The following THRB variants were observed in gnomAD, a reference collection of about 807,000 sequenced individuals.
The protein encoded by THRB is thyroid hormone receptor beta.
THRB carries 12 observed loss-of-function variants against 47.8 expected under a neutral mutation model. The observed-to-expected ratio is 0.25, with a 90% CI of 0.16 to 0.41. The LOEUF is 0.41. Among genes scored for constraint, THRB ranks in the 10% least tolerant of loss-of-function variants. The probability of loss-of-function intolerance (pLI) is 1.00; values close to 1 mark genes in which losing one functional copy is unlikely to be tolerated. For synonymous variants in THRB, 218 were observed against 212.2 expected, an observed-to-expected ratio of 1.03 and a Z score of -0.24; for missense variants, 348 against 589.2, an observed-to-expected ratio of 0.59 and a Z score of 4.24.
At chr3:24,389,829 C>G (rs1284393743) in intron 1 of THRB, among the ~76,000 whole-genome samples, 1 of 152,102 alleles carries the variant, frequency 6.6e-6, no homozygotes, top group Non-Finnish European at 1.5e-5. Flanking sequence ...AAGCAATACT[C>G]AACAAGCAGG....
intron 3 of THRB, among the ~76,000 whole-genome samples, chr3:24,280,773 A>G (rs2150818564): frequency 6.6e-6 from 1 of 152,266 alleles, no homozygotes; most frequent in East Asian, 1.9e-4. Flanking sequence ...CCAAGGCTCG[A>G]GAACTACGTG....
At chr3:24,161,035 A>G (rs1021169051) in intron 5 of THRB, among the ~76,000 whole-genome samples, 1 of 152,264 alleles carries the variant, frequency 6.6e-6, no homozygotes, top group Non-Finnish European at 1.5e-5. Flanking sequence ...CTCAGGAAAG[A>G]AAAGGAAAGA....
intron 1 of THRB, among the ~76,000 whole-genome samples, chr3:24,489,737 G>C (rs891969012): frequency 6.6e-6 from 1 of 152,152 alleles, no homozygotes; most frequent in African/African-American, 2.4e-5. Context: ...ATTGAGCATA[G>C]ATCACTATTC....
chr3:24,441,541 T>C (rs2071524843), intron 1 of THRB, among the ~76,000 whole-genome samples: 2 of 152,202 alleles, frequency 1.3e-5, no homozygotes, highest in South Asian at 4.1e-4. Flanking sequence ...TTATAAGTAA[T>C]AGTGGTTAAG....
intron 1 of THRB, among the ~76,000 whole-genome samples, chr3:24,433,382 G>A (rs2070641488): frequency 6.6e-6 from 1 of 152,108 alleles, no homozygotes; most frequent in Admixed American, 6.6e-5. Flanking sequence ...AGGAGATTAT[G>A]TGATGATGGA....
At chr3:24,356,992 T>C (rs1395706894) in intron 1 of THRB, among the ~76,000 whole-genome samples, 2 of 151,250 alleles carry the variant, frequency 1.3e-5, no homozygotes, top group African/African-American at 4.9e-5. Context: ...TGGCAATATA[T>C]ACAGACTTAG....
At chr3:24,289,944 CA>C (rs1368600655) in intron 3 of THRB, among the ~76,000 whole-genome samples, 1 of 152,136 alleles carries the variant, frequency 6.6e-6, no homozygotes, top group Admixed American at 6.5e-5. Context: ...CAGTGTCTTT[CA>C]TGAAAAACCT....
chr3:24,265,142 A>T (rs180689500), intron 3 of THRB, among the ~76,000 whole-genome samples: 1 of 152,242 alleles, frequency 6.6e-6, no homozygotes, highest in East Asian at 1.9e-4. Flanking sequence ...AGGAGGGACC[A>T]AATTGGACAT....
intron 3 of THRB, among the ~76,000 whole-genome samples, chr3:24,251,269 G>T (rs1464013687): frequency 6.6e-6 from 1 of 151,974 alleles, no homozygotes; most frequent in Non-Finnish European, 1.5e-5. Context: ...AAAAATAAAT[G>T]AGTTAAGCAT....
intron 1 of THRB, among the ~76,000 whole-genome samples, chr3:24,373,133 G>T (rs2065036598): frequency 6.6e-6 from 1 of 151,876 alleles, no homozygotes; most frequent in Non-Finnish European, 1.5e-5. Context: ...TGGAAAGAGG[G>T]TTCTACAACT....
chr3:24,476,815 T>A (rs1695521173), intron 1 of THRB, among the ~76,000 whole-genome samples: 5 of 151,830 alleles, frequency 3.3e-5, no homozygotes, highest in Admixed American at 6.6e-5. Flanking sequence ...AAAATTCTTA[T>A]TGTTATTGCC....
intron 1 of THRB, among the ~76,000 whole-genome samples, chr3:24,417,857 G>A (rs932618904): frequency 6.6e-6 from 1 of 151,836 alleles, no homozygotes; most frequent in Non-Finnish European, 1.5e-5. Context: ...TCACAAATGA[G>A]GAAACGGGGA....
rs150957900 is a variant in THRB at position 24,124,953 on chromosome 3, G to A, written c.1145-1828C>T. Among the ~76,000 whole-genome samples, 10 of 152,328 alleles carry A rather than the reference G, an allele frequency of 6.6e-5. No homozygotes were observed. In the East Asian group the frequency reaches 1.4e-3, roughly 21 times the overall value. ...GTGGATTGTGAAAAGTTATTAAGTT[G>A]TCCTGTAGCTGTCAGGCAGTGTCAG... On this transcript the variant is annotated intron_variant, in intron 10 of 10. Transcript: ENST00000646209.
intron 5 of THRB, among the ~76,000 whole-genome samples, chr3:24,170,976 G>T (rs1035951715): frequency 6.6e-6 from 1 of 151,968 alleles, no homozygotes; most frequent in Non-Finnish European, 1.5e-5. Flanking sequence ...TTATATCTTC[G>T]TCACAAGAGA....
intron 3 of THRB, among the ~76,000 whole-genome samples, chr3:24,261,622 C>A (rs1392653319): frequency 1.3e-5 from 2 of 151,750 alleles, no homozygotes; most frequent in African/African-American, 4.8e-5. Flanking sequence ...ATTCCAATTT[C>A]TTTCCTGCCT....
At chr3:24,162,404 C>T (rs771703081) in intron 5 of THRB, among the ~76,000 whole-genome samples, 24 of 152,126 alleles carry the variant, frequency 1.6e-4, no homozygotes, top group Non-Finnish European at 3.1e-4. Flanking sequence ...ACTAGAATTA[C>T]AGTAAATATC....
intron 1 of THRB, among the ~76,000 whole-genome samples, chr3:24,461,491 T>C (rs2073694272): frequency 6.6e-6 from 1 of 152,236 alleles, no homozygotes; most frequent in African/African-American, 2.4e-5. Context: ...AGAGGACTTA[T>C]CTGCCAAGTT....
intron 3 of THRB, among the ~76,000 whole-genome samples, chr3:24,277,369 A>G (rs1022303466): frequency 3.3e-5 from 5 of 152,186 alleles, no homozygotes; most frequent in South Asian, 2.1e-4. Context: ...AGTAATGCCA[A>G]TCTAAATCAG....
chr3:24,210,520 G>C (rs1232103576), intron 4 of THRB, among the ~76,000 whole-genome samples: 1 of 152,020 alleles, frequency 6.6e-6, no homozygotes, highest in African/African-American at 2.4e-5. Flanking sequence ...ACACGCCAGG[G>C]ATGTTGCTCA....
Sources: allele counts gnomAD v4.1 joint callset (sites outside exome capture counted in the v4.1 genomes callset), GRCh38; gene constraint gnomAD v4.1.1; transcripts MANE v1.5; gene names NCBI Gene and HGNC (gene_info 2026-07-23, HGNC 2026-07-21).